KIF27: variants seen among roughly 807,000 people sequenced by gnomAD.
KIF27 encodes kinesin family member 27.
In KIF27, 84 loss-of-function variants were observed where a neutral mutation model predicts 141.8. The observed-to-expected ratio is 0.59, with a 90% CI of 0.50 to 0.71. KIF27 has a LOEUF of 0.71. Ranked by LOEUF, KIF27 falls within the 30% of genes least tolerant of loss-of-function variation. The pLI is 0.00. For synonymous variants in KIF27, 471 were observed against 569.5 expected (o/e 0.83, Z 2.46); for missense variants, 1,306 against 1,628.4 (o/e 0.80, Z 3.41).
At chr9:83,904,045 A>G (rs374996975) in intron 3 of KIF27, 27 bp from the exon 4 acceptor site, 2 of 1,540,642 alleles carry the variant, frequency 1.3e-6, no homozygotes, top group Non-Finnish European at 1.8e-6. Flanking sequence ...CATGTTTTTA[A>G]GCCAAGTTTT....
chr9:83,894,727 G>A (rs890776832), intron 5 of KIF27, among the ~76,000 whole-genome samples: 5 of 152,188 alleles, frequency 3.3e-5, no homozygotes, highest in African/African-American at 1.2e-4. Context: ...TTGGAAGCTT[G>A]TGCCTGGTTT....
intron 4 of KIF27, among the ~76,000 whole-genome samples, chr9:83,900,637 G>A (rs1478200630): frequency 2.0e-5 from 3 of 151,630 alleles, no homozygotes; most frequent in African/African-American, 7.2e-5. Flanking sequence ...GCACACGCAT[G>A]TTTACAGCAG....
intron 4 of KIF27, among the ~76,000 whole-genome samples, chr9:83,900,739 A>T (rs1276777210): frequency 6.6e-6 from 1 of 152,088 alleles, no homozygotes; most frequent in Non-Finnish European, 1.5e-5. Context: ...ACACGTATAT[A>T]TATACGTGTA....
At chr9:83,911,381 C>A (rs534325706) in intron 2 of KIF27, among the ~76,000 whole-genome samples, 10 of 152,222 alleles carry the variant, frequency 6.6e-5, no homozygotes, top group Admixed American at 2.6e-4. Context: ...CAGGCGCCCA[C>A]CACCACACAT....
chr9:83,866,224 T>C (rs1042459918), intron 13 of KIF27, among the ~76,000 whole-genome samples: 2 of 151,448 alleles, frequency 1.3e-5, no homozygotes, highest in Non-Finnish European at 3.0e-5. Context: ...TGATGTTCTA[T>C]GTGAATTTTA....
At chr9:83,870,964 G>A (rs1444005538) in intron 11 of KIF27, among the ~76,000 whole-genome samples, 1 of 152,000 alleles carries the variant, frequency 6.6e-6, no homozygotes, top group Non-Finnish European at 1.5e-5. Flanking sequence ...AGACTAGAGT[G>A]CAATGGCGTG....
intron 5 of KIF27, among the ~76,000 whole-genome samples, chr9:83,899,199 G>A (rs1160995394): frequency 6.6e-6 from 1 of 152,074 alleles, no homozygotes; most frequent in Admixed American, 6.5e-5. Flanking sequence ...TTATACTGTA[G>A]ACATATCCAT....
intron 2 of KIF27, among the ~76,000 whole-genome samples, chr9:83,909,899 C>T (rs899487265): frequency 6.6e-6 from 1 of 151,868 alleles, no homozygotes; most frequent in Non-Finnish European, 1.5e-5. Flanking sequence ...CCCTTGTCTA[C>T]AAAAAATACA....
chr9:83,853,101 T>A (rs2542784), intron 15 of KIF27, among the ~76,000 whole-genome samples: 4 of 152,220 alleles, frequency 2.6e-5, no homozygotes, highest in Non-Finnish European at 5.9e-5. Context: ...CAGTAAATTG[T>A]CTAATCTGTA....
chr9:83,902,639 A>C (rs1328449469), intron 4 of KIF27, among the ~76,000 whole-genome samples: 1 of 152,166 alleles, frequency 6.6e-6, no homozygotes, highest in Non-Finnish European at 1.5e-5. Context: ...GAGGGAGAAA[A>C]ACTCAGTAAA....
intron 13 of KIF27, among the ~76,000 whole-genome samples, chr9:83,865,489 G>A (rs1204175562): frequency 1.3e-5 from 2 of 152,068 alleles, no homozygotes; most frequent in Non-Finnish European, 1.5e-5. Context: ...AAGAGACAGG[G>A]TTTCACCATG....
At chr9:83,920,121 C>G (rs1425776446) in intron 1 of KIF27, among the ~76,000 whole-genome samples, 1 of 152,106 alleles carries the variant, frequency 6.6e-6, no homozygotes, top group African/African-American at 2.4e-5. Flanking sequence ...GTCCCAGCTA[C>G]TTGGGAGGCT....
At chr9:83,877,016 G>A (rs1191095775) in intron 11 of KIF27, among the ~76,000 whole-genome samples, 1 of 152,196 alleles carries the variant, frequency 6.6e-6, no homozygotes, top group Admixed American at 6.5e-5. Flanking sequence ...ATTGGAGGCT[G>A]CAGTGGGCTA....
intron 15 of KIF27, among the ~76,000 whole-genome samples, chr9:83,851,895 C>G (rs572316400): frequency 2.0e-5 from 3 of 152,038 alleles, no homozygotes; most frequent in African/African-American, 7.2e-5. Context: ...TTTGGGAGGC[C>G]GAGGCGGGAG....
chr9:83,841,166 G>A (rs1224159670), intron 17 of KIF27, among the ~76,000 whole-genome samples: 1 of 152,084 alleles, frequency 6.6e-6, no homozygotes, highest in Non-Finnish European at 1.5e-5. Context: ...CGCCTCCCGG[G>A]TTCAAGCGAT....
At chr9:83,840,577 A>G (rs2131480156) in intron 17 of KIF27, among the ~76,000 whole-genome samples, 1 of 152,310 alleles carries the variant, frequency 6.6e-6, no homozygotes, top group Admixed American at 6.5e-5. Flanking sequence ...TTTACAAACT[A>G]GATGTCTAAT....
At chr9:83,855,890 AG>A (rs1366529306) in intron 14 of KIF27, among the ~76,000 whole-genome samples, 2 of 152,232 alleles carry the variant, frequency 1.3e-5, no homozygotes, top group Non-Finnish European at 2.9e-5. Flanking sequence ...ATCTAAGTTA[AG>A]GAAGTACTGA....
intron 12 of KIF27, among the ~76,000 whole-genome samples, chr9:83,868,858 T>C (rs1297852767): frequency 2.0e-5 from 3 of 152,198 alleles, no homozygotes; most frequent in African/African-American, 7.2e-5. Flanking sequence ...TATAATCTTA[T>C]AAGCACTATC....
In KIF27 at chr9:83,889,149, G is replaced by A; in HGVS notation, c.1914C>T (p.Leu638=). ...LGHIEEQDKV[L]HCQFSDNSDD... is the part of the protein sequence containing the mutation. ...CACTGTTATCAGAAAATTGGCAGTG[G>A]AGGACCTTATCTTGTTCTTCTATGT... Residue 638 remains leucine (L), a synonymous_variant, in exon 7 of 18, where the codon CTC becomes CTT. Transcript: ENST00000297814. 1 of 1,613,804 alleles carries A rather than the reference G, an allele frequency of 6.2e-7. No homozygotes were observed. Among genetic ancestry groups the A allele is most frequent in the African/African-American group, 1.3e-5 (1 of 74,970 alleles).
Sources: gnomAD v4.1 joint callset for allele counts (sites outside exome capture counted in the v4.1 genomes callset) on GRCh38, gnomAD v4.1.1 for gene constraint, MANE v1.5 for transcripts, NCBI Gene and HGNC (gene_info 2026-07-23, HGNC 2026-07-21) for gene names.